Variants in SLU7 observed in about 807,000 individuals in gnomAD.
The protein encoded by SLU7 is spliceosome associated SLU7, also known as pre-mRNA-splicing factor SLU7.
A neutral mutation model predicts 87.0 loss-of-function variants in SLU7; 60 were observed. The observed-to-expected ratio is 0.69, with a 90% CI of 0.56 to 0.86. SLU7 has a LOEUF of 0.86. Ranked by LOEUF, SLU7 falls within the 40% of genes least tolerant of loss-of-function variation. The pLI, the probability that SLU7 is intolerant of heterozygous loss-of-function variation, is 0.00. For synonymous variants in SLU7, 197 were observed against 222.0 expected, an observed-to-expected ratio of 0.89 and a Z score of 1.00; for missense variants, 507 against 686.6, an observed-to-expected ratio of 0.74 and a Z score of 2.92.
chr5:160,411,970 A>G (rs1765256555), intron 6 of SLU7, among the ~76,000 whole-genome samples: 1 of 152,216 alleles, frequency 6.6e-6, no homozygotes, highest in Non-Finnish European at 1.5e-5. Context: ...ATAATATTAT[A>G]CTATCTTTTC....
chr5:160,413,549 C>T lies in SLU7; in HGVS notation c.477G>A (p.Leu159=), dbSNP rs764036907. 5 of 1,614,006 alleles carry T rather than the reference C, an allele frequency of 3.1e-6. No individual in the cohort carries two copies. Among genetic ancestry groups the T allele is most frequent in the Non-Finnish European group, 4.2e-6 (5 of 1,179,916 alleles). ...IAPDEHVQPQ[L]MFDYDGKRDR... is the part of the protein sequence containing the mutation. ...CCCTCTTCCCATCATAGTCAAACAT[C>T]AGTTGAGGCTGGACATGTTCATCTG... Residue 159 remains leucine (L), a synonymous_variant, in exon 5 of 16, where the codon CTG becomes CTA. Coordinates refer to ENST00000297151, the MANE Select transcript of SLU7 (RefSeq NM_006425.5).
chr5:160,405,958 AT>A (rs1225424688), intron 12 of SLU7, among the ~76,000 whole-genome samples: 7 of 152,162 alleles, frequency 4.6e-5, no homozygotes, highest in African/African-American at 1.7e-4. Flanking sequence ...TGTTAAAGGC[AT>A]TTTTCTGTAT....
chr5:160,410,163 T>C (rs977552412), intron 6 of SLU7, among the ~76,000 whole-genome samples: 2 of 152,220 alleles, frequency 1.3e-5, no homozygotes, highest in Admixed American at 1.3e-4. Context: ...AACAGGTATA[T>C]GTGGACAAGA....
rs1298941852 is a variant in SLU7 at position 160,402,336 on chromosome 5, C to T, written c.*949G>A. On this transcript the variant is annotated 3_prime_UTR_variant, in exon 16 of 16. Transcript: ENST00000297151. ...GAATGGTAAAAGACCTACTACTGAT[C>T]AGTCAATATTGACCCAATGATGAGA... 3.9e-5 allele frequency: 6 copies of T among 152,148 alleles called. No homozygotes were observed. The highest frequency in any genetic ancestry group is 9.7e-5 in the African/African-American group (4 of 41,436). 9.4% of individuals were successfully genotyped at this position (152,148 alleles called of 1,614,324 possible). A position where few individuals can be genotyped will look rare whatever the true frequency, so the allele number is the denominator to read the frequency against.
rs1313313177 is a variant in SLU7 at position 160,412,484 on chromosome 5, C to G, written c.606G>C (p.Glu202Asp). The G allele has an allele frequency of 4.0e-6, 6 of 1,515,730 alleles. No individual in the cohort carries two copies. Among genetic ancestry groups the G allele is most frequent in the Non-Finnish European group, 5.4e-6 (6 of 1,120,574 alleles). 93.9% of individuals were successfully genotyped at this position (1,515,730 alleles called of 1,614,324 possible). A position where few individuals can be genotyped will look rare whatever the true frequency, so the allele number is the denominator to read the frequency against. The change falls in exon 6 of 16, where the codon GAG becomes GAC. Residue 202 changes from glutamate to aspartate, a missense_variant. Glu to Asp is a conservative substitution (Grantham distance 45, BLOSUM62 2). Around this residue, in one of 6 missense-constraint regions of SLU7, gnomAD observed 155 missense variants for 154.4 expected, o/e 1.00. Coordinates refer to ENST00000297151, the MANE Select transcript of SLU7 (RefSeq NM_006425.5). ...CCACTAATTTTCCTGAGGCTAATTC[C>G]TCTTGGAGTTTCTGGGCTTTCAATG... ...KRTLKAQKLQ[E>D]ELASGKLVEQ... is the part of the protein sequence containing the mutation.
chr5:160,406,673 T>C (rs920601396), intron 11 of SLU7, 44 bp from the exon 12 acceptor site: 1 of 1,372,902 alleles, frequency 7.3e-7, no homozygotes, highest in East Asian at 2.6e-5. Flanking sequence ...TACAACCTGA[T>C]TTGCATTTAA....
rs1765369075 is a variant in SLU7 at position 160,414,422 on chromosome 5, A to G, written c.221T>C (p.Ile74Thr). Reference sequence around the variant, plus strand: ...TAAAGTAGGTCTTTTTGAAGGATCAATATACCATGGCACTGAAGAAATATA... The same window carrying G: ...TAAAGTAGGTCTTTTTGAAGGATCAGTATACCATGGCACTGAAGAAATATA... Reference protein sequence around the residue: ...PQYISSVPWYIDPSKRPTLKH... With the variant: ...PQYISSVPWYTDPSKRPTLKH... Residue 74 changes from isoleucine to threonine, a missense_variant, in exon 3 of 16, where the codon ATT becomes ACT. By Grantham distance (89) the Ile-to-Thr change is moderately conservative. Coordinates refer to ENST00000297151, the MANE Select transcript of SLU7 (RefSeq NM_006425.5). 6.2e-7 allele frequency: 1 copy of G among 1,609,962 alleles called. No homozygotes were observed. Among genetic ancestry groups the G allele is most frequent in the Non-Finnish European group, 8.5e-7 (1 of 1,177,330 alleles).
At chr5:160,409,251 A>G (rs1193337150) in intron 6 of SLU7, among the ~76,000 whole-genome samples, 1 of 152,162 alleles carries the variant, frequency 6.6e-6, no homozygotes, top group Non-Finnish European at 1.5e-5. Flanking sequence ...TCTACAAGTG[A>G]CACAGTATTG....
chr5:160,410,536 T>C (rs1456346873), intron 6 of SLU7, among the ~76,000 whole-genome samples: 1 of 152,074 alleles, frequency 6.6e-6, no homozygotes, highest in Non-Finnish European at 1.5e-5. Flanking sequence ...ACCTGCACGT[T>C]GTGCACATGT....
At position 160,414,430 on chromosome 5, in the gene SLU7, T is replaced by C. The variant is rs114018996; in HGVS notation, c.213A>G (p.Pro71=). The change falls in exon 3 of 16, where the codon CCA becomes CCG. Residue 71 remains proline (P), a synonymous_variant. Transcript: ENST00000297151. Reference sequence around the variant, plus strand: ...GTCTTTTTGAAGGATCAATATACCATGGCACTGAAGAAATATACTGAGGAA... The same window carrying C: ...GTCTTTTTGAAGGATCAATATACCACGGCACTGAAGAAATATACTGAGGAA... ...PHIPQYISSV[P]WYIDPSKRPT... is the part of the protein sequence containing the mutation. 4.9e-4 allele frequency: 783 copies of C among 1,607,640 alleles called. 2 individuals are homozygous for C. In the African/African-American group the frequency reaches 9.3e-3, roughly 19 times the overall value.
intron 1 of SLU7, among the ~76,000 whole-genome samples, chr5:160,416,026 C>T (rs749360533): frequency 6.6e-5 from 10 of 151,936 alleles, no homozygotes; most frequent in Admixed American, 1.3e-4. Context: ...CCGAGTAGCT[C>T]GATTACAGGT....
At chr5:160,413,316 G>T (rs976174546) in intron 5 of SLU7, 140 bp downstream of exon 5, 42 of 623,108 alleles carry the variant, frequency 6.7e-5, no homozygotes, top group Non-Finnish European at 1.1e-4. Flanking sequence ...CAATTATAAA[G>T]GTAGCCTATA....
In SLU7 at chr5:160,403,254, C is replaced by A; in HGVS notation, c.*31G>T. The A allele has an allele frequency of 1.4e-6, 2 of 1,481,164 alleles. No homozygotes were observed. Among genetic ancestry groups the A allele is most frequent in the Non-Finnish European group, 1.8e-6 (2 of 1,099,268 alleles). The allele number at this position is 1,481,164 out of a possible 1,614,324, so 91.8% of individuals were successfully genotyped here. On this transcript the variant is annotated 3_prime_UTR_variant, in exon 16 of 16. Transcript: ENST00000297151. ...GAAGCTGAAAAGAATGTATCAGCTG[C>A]ATCTATCTTGGATGGTCTTCTGACT...
intron 14 of SLU7, 119 bp downstream of exon 14, chr5:160,404,690 G>A (rs1270092783): frequency 6.1e-5 from 54 of 887,160 alleles, no homozygotes; most frequent in Non-Finnish European, 8.7e-5. Context: ...CGTGCACTGC[G>A]CTCGAGCCTG....
At chr5:160,417,482 A>G (rs2113177324) in intron 1 of SLU7, among the ~76,000 whole-genome samples, 1 of 152,326 alleles carries the variant, frequency 6.6e-6, no homozygotes, top group Non-Finnish European at 1.5e-5. Context: ...CAAGTGGCTA[A>G]TAACTATCAT....
intron 2 of SLU7, among the ~76,000 whole-genome samples, chr5:160,414,715 C>T (rs995165644): frequency 1.3e-5 from 2 of 151,854 alleles, no homozygotes; most frequent in African/African-American, 4.8e-5. Flanking sequence ...TGAAGGGGGA[C>T]AAGAGAGGAA....
intron 15 of SLU7, 124 bp downstream of exon 15, chr5:160,404,316 G>A (rs1764907342): frequency 7.9e-6 from 5 of 634,926 alleles, no homozygotes; most frequent in South Asian, 5.7e-5. Flanking sequence ...AGTGAGCTGC[G>A]GTCGTGCCAC....
intron 7 of SLU7, 23 bp downstream of exon 7, chr5:160,408,621 TATACTC>T (rs1765104257): frequency 6.8e-7 from 1 of 1,470,026 alleles, no homozygotes; most frequent in Non-Finnish European, 9.4e-7. Context: ...AAATTTAACA[TATACTC>T]AGAGACAGCA....
chr5:160,412,426 T>G (rs1447313158), intron 6 of SLU7, 25 bp downstream of exon 6: 1 of 1,343,250 alleles, frequency 7.4e-7, no homozygotes, highest in Admixed American at 1.8e-5. Flanking sequence ...ATAAAACCTT[T>G]TTATTGATCA....
Sources: allele counts gnomAD v4.1 joint callset (sites outside exome capture counted in the v4.1 genomes callset), GRCh38; gene constraint gnomAD v4.1.1; regional missense constraint gnomAD v4.1.1; transcripts MANE v1.5; gene names NCBI Gene and HGNC (gene_info 2026-07-23, HGNC 2026-07-21).